The following NPAP1 variants were observed in gnomAD, a reference collection of about 807,000 sequenced individuals.
NPAP1 encodes the protein nuclear pore associated protein 1.
For synonymous variants in NPAP1, 616 were observed against 581.4 expected (o/e 1.06, Z -0.86); for missense variants, 1,483 against 1,454.5 (o/e 1.02, Z -0.32).
rs2049000445 is a variant in NPAP1 at position 24,679,105 on chromosome 15, G to A, written c.3238G>A (p.Gly1080Arg). 2 of 1,614,052 alleles carry A rather than the reference G, an allele frequency of 1.2e-6. No homozygotes were observed. Among genetic ancestry groups the A allele is most frequent in the Non-Finnish European group, 1.7e-6 (2 of 1,180,046 alleles). ...AGGGGCTAGCAACATTCCTGTATTT[G>A]GATATACTTCTGCTGCCGCCTACAT... ...PQGASNIPVF[G>R]YTSAAAYIPG... Residue 1080 changes from glycine (G) to arginine (R), a missense_variant, in exon 1 of 1, where the codon GGA (glycine) becomes AGA (arginine). Transcript: ENST00000329468.
At position 24,679,528 on chromosome 15, in the gene NPAP1, TG is replaced by T; in HGVS notation, c.*193del. 3 of 611,114 alleles carry T rather than the reference TG, an allele frequency of 4.9e-6. No individual in the cohort carries two copies. The South Asian group carries it at 6.1e-5, about 12-fold the overall frequency. The allele number at this position is 611,114 out of a possible 1,614,324, so 37.9% of individuals were successfully genotyped here. A position where few individuals can be genotyped will look rare whatever the true frequency, so the allele number is the denominator to read the frequency against. On this transcript the variant is annotated 3_prime_UTR_variant, in exon 1 of 1. Coordinates refer to ENST00000329468, the MANE Select transcript of NPAP1 (RefSeq NM_018958.3). Reference sequence around the variant, plus strand: ...TGCTCCCTTTCTCTGTCAGTACACATGGGTCCCACCTGGACAAAACACAGGT... The same window carrying T: ...TGCTCCCTTTCTCTGTCAGTACACATGGTCCCACCTGGACAAAACACAGGT...
rs1409184776 is a variant in NPAP1 at position 24,676,786 on chromosome 15, C to G, written c.919C>G (p.Pro307Ala). 1.5e-5 allele frequency: 24 copies of G among 1,613,444 alleles called. No individual in the cohort carries two copies. Among genetic ancestry groups the G allele is most frequent in the Admixed American group, 3.3e-5 (2 of 60,006 alleles). ...CGGAAAGAGGATGCCTGATGAGAAGCCTTTCTGTATTCCTCCAAGGAGCGC... is the reference window on the plus strand; with the variant it reads ...CGGAAAGAGGATGCCTGATGAGAAGGCTTTCTGTATTCCTCCAAGGAGCGC... The part of the protein sequence containing the change: ...MSGKRMPDEK[P>A]FCIPPRSAAP... The change falls in exon 1 of 1, where the codon CCT (proline) becomes GCT (alanine). Residue 307 changes from proline (P) to alanine (A), a missense_variant. Physicochemically the swap from Pro to Ala is conservative, Grantham distance 27 (BLOSUM62 -1). Transcript: ENST00000329468.
Position 24,676,043 on chromosome 15 carries a change from C to T in NPAP1, c.176C>T (p.Pro59Leu), listed in dbSNP as rs2048972855. The T allele has an allele frequency of 1.9e-6, 3 of 1,593,104 alleles. No homozygotes were observed. The change falls in exon 1 of 1, where the codon CCT becomes CTT. Residue 59 changes from proline (P) to leucine (L), a missense_variant. Pro to Leu is a moderately conservative substitution (Grantham distance 98, BLOSUM62 -3). Transcript: ENST00000329468. ...GLFRRNARRRPSAASIFVAPK... is the reference protein window; with the variant it reads ...GLFRRNARRRLSAASIFVAPK... ...TTCCGCCGGAACGCCCGTCGCAGGC[C>T]TTCAGCAGCCAGCATCTTCGTCGCC...
Position 24,682,029 on chromosome 15 carries a change from G to T in NPAP1, c.*2691G>T, listed in dbSNP as rs530008631. On this transcript the variant is annotated 3_prime_UTR_variant, in exon 1 of 1. Transcript: ENST00000329468. ...TGGCTCACTGCACGCTCCACCTCTC[G>T]GAAGAACCCCTTTTTATTAGCATAA... The T allele has an allele frequency of 6.0e-6, 1 of 166,720 alleles. No homozygotes were observed. Among genetic ancestry groups the T allele is most frequent in the Non-Finnish European group, 1.5e-5 (1 of 68,080 alleles). 10.3% of individuals were successfully genotyped at this position (166,720 alleles called of 1,614,324 possible).
Position 24,682,458 on chromosome 15 carries a change from T to C in NPAP1, c.*3120T>C, listed in dbSNP as rs2049023444. 1 of 166,852 alleles carries C rather than the reference T, an allele frequency of 6.0e-6. No individual in the cohort carries two copies. Among genetic ancestry groups the C allele is most frequent in the Admixed American group, 6.5e-5 (1 of 15,292 alleles). The allele number at this position is 166,852 out of a possible 1,614,324, so 10.3% of individuals were successfully genotyped here. On this transcript the variant is annotated 3_prime_UTR_variant, in exon 1 of 1. Transcript: ENST00000329468. ...AATGTGTGAGAGATACAAAGATAAT[T>C]TTTGTTTTCATGTTTTGATGCACTT...
chr15:24,676,657 G>GAGCC, the NPAP1 span: 1 of 1,613,940 alleles, frequency 6.2e-7, no homozygotes, highest in Non-Finnish European at 8.5e-7. Flanking sequence ...AGCGCCCCCT[G>GAGCC]AGCCAGCCGT....
In NPAP1 at chr15:24,676,029, C is replaced by T. The variant is rs778409056; in HGVS notation, c.162C>T (p.Asn54=). The T allele has an allele frequency of 1.9e-6, 3 of 1,597,140 alleles. No homozygotes were observed. Among genetic ancestry groups the T allele is most frequent in the East Asian group, 2.3e-5 (1 of 43,356 alleles). Residue 54 remains asparagine, a synonymous_variant, in exon 1 of 1, where the codon AAC becomes AAT. Coordinates refer to ENST00000329468, the MANE Select transcript of NPAP1 (RefSeq NM_018958.3). ...PRPFRGLFRR[N]ARRRPSAASI... ...CTTTCCGCGGCCTGTTCCGCCGGAA[C>T]GCCCGTCGCAGGCCTTCAGCAGCCA...
chr15:24,678,425 G>A lies in NPAP1; in HGVS notation c.2558G>A (p.Gly853Glu), dbSNP rs1484594194. Reference sequence around the variant, plus strand: ...GAGGAGTACATCCGATTTTATATGGGGCTTCCTGGTTCTGGGAACACACTA... The same window carrying A: ...GAGGAGTACATCCGATTTTATATGGAGCTTCCTGGTTCTGGGAACACACTA... ...RKEEYIRFYMGLPGSGNTLHS... is the reference protein window; with the variant it reads ...RKEEYIRFYMELPGSGNTLHS... Residue 853 changes from glycine (G) to glutamate (E), a missense_variant, in exon 1 of 1, where the codon GGG becomes GAG. Transcript: ENST00000329468. 3 of 1,613,794 alleles carry A rather than the reference G, an allele frequency of 1.9e-6. No homozygotes were observed. Among genetic ancestry groups the A allele is most frequent in the Non-Finnish European group, 2.5e-6 (3 of 1,180,012 alleles).
Position 24,682,583 on chromosome 15 carries a change from C to A in NPAP1, c.*3245C>A, listed in dbSNP as rs2049024204. ...TAATACTGAAAGTCAACCTTCCTAC[C>A]ACAGTTCCCTCCTCCAGAGATAGTG... is the stretch of plus-strand genomic sequence containing the variant. On this transcript the variant is annotated 3_prime_UTR_variant, in exon 1 of 1. Transcript: ENST00000329468. 6.0e-6 allele frequency: 1 copy of A among 166,940 alleles called. No individual in the cohort carries two copies. The highest frequency in any genetic ancestry group is 6.6e-5 in the Admixed American group (1 of 15,264). 10.3% of individuals were successfully genotyped at this position (166,940 alleles called of 1,614,324 possible).
rs748122844 is a variant in NPAP1 at position 24,676,212 on chromosome 15, G to C, written c.345G>C (p.Arg115Ser). The C allele has an allele frequency of 6.5e-7, 1 of 1,533,310 alleles. No individual in the cohort carries two copies. Among genetic ancestry groups the C allele is most frequent in the South Asian group, 1.3e-5 (1 of 77,634 alleles). The allele number at this position is 1,533,310 out of a possible 1,614,324, so 95.0% of individuals were successfully genotyped here. A position where few individuals can be genotyped will look rare whatever the true frequency, so the allele number is the denominator to read the frequency against. Residue 115 changes from arginine to serine, a missense_variant, in exon 1 of 1, where the codon AGG becomes AGC. Physicochemically the swap from Arg to Ser is moderately radical, Grantham distance 110 (BLOSUM62 -1). Coordinates refer to ENST00000329468, the MANE Select transcript of NPAP1 (RefSeq NM_018958.3). ...GGTTTGGACACCCCAGTTCCGTAAGGATCCCTCCTCCCAGCCGCATGTTCA... is the reference window on the plus strand; with the variant it reads ...GGTTTGGACACCCCAGTTCCGTAAGCATCCCTCCTCCCAGCCGCATGTTCA... ...PPRFGHPSSVRIPPPSRMFTL... is the reference protein window; with the variant it reads ...PPRFGHPSSVSIPPPSRMFTL...
In NPAP1 at chr15:24,678,085, G is replaced by A. The variant is rs1454960152; in HGVS notation, c.2218G>A (p.Ala740Thr). 5.0e-6 allele frequency: 8 copies of A among 1,613,712 alleles called. No individual in the cohort carries two copies. The highest frequency in any genetic ancestry group is 6.8e-6 in the Non-Finnish European group (8 of 1,179,990). Residue 740 changes from alanine to threonine, a missense_variant, in exon 1 of 1, where the codon GCC (alanine) becomes ACC (threonine). Ala to Thr is a moderately conservative substitution (Grantham distance 58). Coordinates refer to ENST00000329468, the MANE Select transcript of NPAP1 (RefSeq NM_018958.3). Reference protein sequence around the residue: ...SGNTQPSGNTASVQGSTSLPA... With the variant: ...SGNTQPSGNTTSVQGSTSLPA... ...GAACACACAACCCAGCGGCAACACT[G>A]CCTCAGTCCAAGGCTCCACCAGTTT... is the stretch of plus-strand genomic sequence containing the variant.
rs2141313190 is a variant in NPAP1, at chr15:24,678,675, G to A, written c.2808G>A (p.Leu936=). ...IGLTSPSVQP[L]SGSIIPPGFA... is the part of the protein sequence containing the mutation. Reference sequence around the variant, plus strand: ...TAACATCTCCTTCAGTCCAGCCACTGAGTGGCAGCATAATTCCACCAGGTT... The same window carrying A: ...TAACATCTCCTTCAGTCCAGCCACTAAGTGGCAGCATAATTCCACCAGGTT... The change falls in exon 1 of 1, where the codon CTG becomes CTA. Residue 936 remains leucine (L), a synonymous_variant. Coordinates refer to ENST00000329468, the MANE Select transcript of NPAP1 (RefSeq NM_018958.3). 1 of 1,614,144 alleles carries A rather than the reference G, an allele frequency of 6.2e-7. No homozygotes were observed.
rs1402407965 is a variant in NPAP1, at chr15:24,679,334, C to T, written c.3467C>T (p.Pro1156Leu). The change falls in exon 1 of 1, where the codon CCG becomes CTG. Residue 1156 changes from proline (P) to leucine (L), a missense_variant. Pro to Leu is a moderately conservative substitution (Grantham distance 98). Transcript: ENST00000329468. The part of the protein sequence containing the change: ...YVRRHVCFQL[P>L] ...AGGAGACATGTCTGTTTCCAACTTC[C>T]GTAAGAGCACCTGTGGTTCACCTGA... 7 of 1,606,404 alleles carry T rather than the reference C, an allele frequency of 4.4e-6. No individual in the cohort carries two copies. The highest frequency in any genetic ancestry group is 5.1e-6 in the Non-Finnish European group (6 of 1,174,556).
chr15:24,678,280 A>G lies in NPAP1; in HGVS notation c.2413A>G (p.Thr805Ala). ...TATCATGGTTCCTCCAGACACCTCC[A>G]CTTTAGTGAGCAGTGCCTCTGCAGC... ...LPIMVPPDTS[T>A]LVSSASAASL... Residue 805 changes from threonine to alanine, a missense_variant, in exon 1 of 1, where the codon ACT (threonine) becomes GCT (alanine). Coordinates refer to ENST00000329468, the MANE Select transcript of NPAP1 (RefSeq NM_018958.3). 6.2e-7 allele frequency: 1 copy of G among 1,613,680 alleles called. No homozygotes were observed. The highest frequency in any genetic ancestry group is 1.1e-5 in the South Asian group (1 of 91,072).
rs763146503 is a variant in NPAP1, at chr15:24,677,278, C to G, written c.1411C>G (p.Pro471Ala). ...TCTGGCTCTTCCTGCTGACCTTGTT[C>G]CCATTTTGGGTGATCAGTCTAATGA... Reference protein sequence around the residue: ...SPLALPADLVPILGDQSNEKG... With the variant: ...SPLALPADLVAILGDQSNEKG... Residue 471 changes from proline to alanine, a missense_variant, in exon 1 of 1, where the codon CCC (proline) becomes GCC (alanine). By Grantham distance (27) the Pro-to-Ala change is conservative. Coordinates refer to ENST00000329468, the MANE Select transcript of NPAP1 (RefSeq NM_018958.3). The G allele has an allele frequency of 6.2e-7, 1 of 1,614,134 alleles. No homozygotes were observed. The highest frequency in any genetic ancestry group is 8.5e-7 in the Non-Finnish European group (1 of 1,180,032).
At chr15:24,676,348 A>T in the NPAP1 span, 1 of 1,539,556 alleles carries the variant, frequency 6.5e-7, no homozygotes, top group South Asian at 1.3e-5. Context: ...CAGAAGAGTG[A>T]AGAAGGATGA....
rs2141315528 is a variant in NPAP1 at position 24,681,241 on chromosome 15, T to C, written c.*1903T>C. 1 of 167,232 alleles carries C rather than the reference T, an allele frequency of 6.0e-6. No homozygotes were observed. Among genetic ancestry groups the C allele is most frequent in the East Asian group, 1.9e-4 (1 of 5,190 alleles). 10.4% of individuals were successfully genotyped at this position (167,232 alleles called of 1,614,324 possible). Reference sequence around the variant, plus strand: ...TCAAACTTCAAAAGTCTCAATGAAATCAGTACTTTTACTATGGCCTGTTTA... The same window carrying C: ...TCAAACTTCAAAAGTCTCAATGAAACCAGTACTTTTACTATGGCCTGTTTA... On this transcript the variant is annotated 3_prime_UTR_variant, in exon 1 of 1. Coordinates refer to ENST00000329468, the MANE Select transcript of NPAP1 (RefSeq NM_018958.3).
Position 24,681,351 on chromosome 15 carries a change from G to A in NPAP1, c.*2013G>A, listed in dbSNP as rs569909358. On this transcript the variant is annotated 3_prime_UTR_variant, in exon 1 of 1. Transcript: ENST00000329468. ...TTGTTGTAATTTGTTATATACATAG[G>A]GATGGATAGACGGATGGATAGATTA... 1 of 164,724 alleles carries A rather than the reference G, an allele frequency of 6.1e-6. No individual in the cohort carries two copies. Among genetic ancestry groups the A allele is most frequent in the East Asian group, 1.9e-4 (1 of 5,158 alleles). 10.2% of individuals were successfully genotyped at this position (164,724 alleles called of 1,614,324 possible).
In NPAP1 at chr15:24,676,311, G is replaced by T. The variant is rs745650476; in HGVS notation, c.444G>T (p.Glu148Asp). The T allele has an allele frequency of 6.6e-7, 1 of 1,524,124 alleles. No homozygotes were observed. Among genetic ancestry groups the T allele is most frequent in the Non-Finnish European group, 8.8e-7 (1 of 1,138,836 alleles). 94.4% of individuals were successfully genotyped at this position (1,524,124 alleles called of 1,614,324 possible). Residue 148 changes from glutamate (E) to aspartate (D), a missense_variant, in exon 1 of 1, where the codon GAG (glutamate) becomes GAT (aspartate). Coordinates refer to ENST00000329468, the MANE Select transcript of NPAP1 (RefSeq NM_018958.3). Reference protein sequence around the residue: ...RKPIPATLLEETEVWAQEGPR... With the variant: ...RKPIPATLLEDTEVWAQEGPR... Reference sequence around the variant, plus strand: ...CCATCCCAGCCACTCTCCTGGAGGAGACCGAGGTGTGGGCCCAAGAAGGGC... The same window carrying T: ...CCATCCCAGCCACTCTCCTGGAGGATACCGAGGTGTGGGCCCAAGAAGGGC...
Sources: gnomAD v4.1 joint callset for allele counts on GRCh38, gnomAD v4.1.1 for gene constraint, MANE v1.5 for transcripts, NCBI Gene and HGNC (gene_info 2026-07-23, HGNC 2026-07-21) for gene names.